VPS13B: variants seen among roughly 807,000 people sequenced by gnomAD.
The protein encoded by VPS13B is intermembrane lipid transfer protein VPS13B.
In VPS13B, 285 loss-of-function variants were observed where a neutral mutation model predicts 426.4. The ratio of observed to expected loss-of-function variants is 0.67; its 90% CI spans 0.61 to 0.74. VPS13B has a LOEUF of 0.74. VPS13B is among the 30% of genes least tolerant of loss of function. VPS13B has a pLI of 0.00. For missense variants in VPS13B, 4,537 were observed against 4,782.6 expected, an observed-to-expected ratio of 0.95 and a Z score of 1.51; for synonymous variants, 1,676 against 1,676.4, an observed-to-expected ratio of 1.00 and a Z score of 0.01.
intron 17 of VPS13B, among the ~76,000 whole-genome samples, chr8:99,226,328 A>C (rs1021405703): frequency 2.0e-5 from 3 of 152,136 alleles, no homozygotes; most frequent in African/African-American, 7.2e-5. Flanking sequence ...TGAAGCTTCA[A>C]ATCCTTCAGA....
chr8:99,459,250 T>C lies in VPS13B; in HGVS notation c.3446-8164T>C, dbSNP rs563108800. Among the ~76,000 whole-genome samples the C allele has an allele frequency of 4.6e-5, 7 of 152,334 alleles. 1 individual carries two copies. Among genetic ancestry groups the C allele is most frequent in the African/African-American group, 1.7e-4 (7 of 41,598 alleles). On this transcript the variant is annotated intron_variant, in intron 23 of 61. Coordinates refer to ENST00000357162, the MANE Select transcript of VPS13B (RefSeq NM_152564.5). ...ATGCCAGTTACGTTGAGTTGGTTGA[T>C]AATCCTGTTCATTTCTTCTATCACC...
chr8:99,700,605 G>T (rs1004183205), intron 36 of VPS13B, among the ~76,000 whole-genome samples: 1 of 152,190 alleles, frequency 6.6e-6, no homozygotes, highest in African/African-American at 2.4e-5. Flanking sequence ...GCAAAGTGGG[G>T]TACAGACTCT....
At chr8:99,712,209 A>G (rs1268483846) in intron 36 of VPS13B, among the ~76,000 whole-genome samples, 1 of 152,210 alleles carries the variant, frequency 6.6e-6, no homozygotes, top group African/African-American at 2.4e-5. Context: ...TGTTGTCCTG[A>G]GGCATGGAAG....
chr8:99,533,757 C>T (rs982049557), intron 30 of VPS13B, among the ~76,000 whole-genome samples: 5 of 152,022 alleles, frequency 3.3e-5, no homozygotes, highest in Admixed American at 1.3e-4. Flanking sequence ...TTTCTTTATT[C>T]CTGATGAATG....
At chr8:99,115,626 A>T in intron 6 of VPS13B, 74 bp from the exon 7 acceptor site, 1 of 1,467,882 alleles carries the variant, frequency 6.8e-7, no homozygotes, top group Non-Finnish European at 9.4e-7. Flanking sequence ...TAAAGACTTT[A>T]AAACATTTCT....
Position 99,206,368 on chromosome 8 carries a change from A to G in VPS13B, c.2515+13311A>G, listed in dbSNP as rs190307096. ...AGTAACTGTTAAAGTATTTTATGCA[A>G]CATTTCATGTGGGATACCTTAATGG... is the stretch of plus-strand genomic sequence containing the variant. On this transcript the variant is annotated intron_variant, in intron 17 of 61. Transcript: ENST00000357162. 2.7e-3 allele frequency among the ~76,000 whole-genome samples: 407 copies of G among 152,332 alleles called. 10 individuals carry two copies. The highest frequency in any genetic ancestry group is 0.021 in the Admixed American group (328 of 15,296).
rs180796719 is a variant in VPS13B, at chr8:99,458,651, G to T, written c.3446-8763G>T. Among the ~76,000 whole-genome samples, 923 of 152,264 alleles carry T rather than the reference G, an allele frequency of 6.1e-3. 13 individuals are homozygous for T. The highest frequency in any genetic ancestry group is 0.021 in the African/African-American group (878 of 41,542). ...TGGTATCTCATTGTGGTTTTGATTT[G>T]CACTTCTCTGATGGCCAGTGATGAT... On this transcript the variant is annotated intron_variant, in intron 23 of 61. Coordinates refer to ENST00000357162, the MANE Select transcript of VPS13B (RefSeq NM_152564.5).
At chr8:99,642,526 CTAA>C in intron 34 of VPS13B, 28 bp downstream of exon 34, 1 of 1,552,450 alleles carries the variant, frequency 6.4e-7, no homozygotes, top group South Asian at 1.1e-5. Context: ...TACTGGAGTG[CTAA>C]TAATTACTAT....
At chr8:99,472,829 T>C (rs898171073) in intron 24 of VPS13B, among the ~76,000 whole-genome samples, 2 of 151,950 alleles carry the variant, frequency 1.3e-5, no homozygotes, top group African/African-American at 4.8e-5. Context: ...ACTACTAATA[T>C]CATGAATAAA....
intron 2 of VPS13B, among the ~76,000 whole-genome samples, chr8:99,028,104 G>A (rs530741873): frequency 6.6e-6 from 1 of 152,174 alleles, no homozygotes; most frequent in Non-Finnish European, 1.5e-5. Context: ...AGTCTCCCAT[G>A]TCTACTTCTC....
chr8:99,570,235 T>G (rs1175610895), intron 31 of VPS13B, among the ~76,000 whole-genome samples: 1 of 152,152 alleles, frequency 6.6e-6, no homozygotes, highest in East Asian at 1.9e-4. Context: ...ATTCTTATAT[T>G]TCATCATTTC....
rs936542887 is a variant in VPS13B, at chr8:99,085,605, T to C, written c.292-10707T>C. Among the ~76,000 whole-genome samples, 10 of 152,358 alleles carry C rather than the reference T, an allele frequency of 6.6e-5. No individual in the cohort carries two copies. In the East Asian group the frequency reaches 1.7e-3, roughly 26 times the overall value. On this transcript the variant is annotated intron_variant, in intron 3 of 61. Coordinates refer to ENST00000357162, the MANE Select transcript of VPS13B (RefSeq NM_152564.5). ...GTGTAGTACTGGTTTTTCCTTTCCA[T>C]GTTTAGTGCTTCCTTCAGGAGCTCT...
At chr8:99,271,195 AACT>A (rs10538522) in intron 17 of VPS13B, among the ~76,000 whole-genome samples, 59,801 of 145,064 alleles carry the variant, frequency 0.41, 12,399 homozygotes, top group South Asian at 0.56. Context: ...TGCTACCACT[AACT>A]ACTACTACTA....
intron 34 of VPS13B, 113 bp downstream of exon 34, chr8:99,642,611 T>TA: frequency 1.1e-6 from 1 of 931,136 alleles, no homozygotes; most frequent in Non-Finnish European, 1.6e-6. Context: ...GTCTTTTCTC[T>TA]ACAGAATATG....
intron 33 of VPS13B, among the ~76,000 whole-genome samples, chr8:99,617,904 A>G (rs1828169514): frequency 6.6e-6 from 1 of 152,038 alleles, no homozygotes; most frequent in Non-Finnish European, 1.5e-5. Context: ...TCCTCTTTGT[A>G]TTGGTTATCA....
chr8:99,255,885 T>G (rs189854799), intron 17 of VPS13B, among the ~76,000 whole-genome samples: 58 of 152,306 alleles, frequency 3.8e-4, no homozygotes, highest in African/African-American at 1.1e-3. Context: ...GTTAAAAGTC[T>G]AGGCCTTCTC....
chr8:99,095,656 T>C lies in VPS13B; in HGVS notation c.292-656T>C, dbSNP rs148599879. Among the ~76,000 whole-genome samples, 6 of 152,316 alleles carry C rather than the reference T, an allele frequency of 3.9e-5. No individual in the cohort carries two copies. In the East Asian group the frequency reaches 1.2e-3, roughly 29 times the overall value. On this transcript the variant is annotated intron_variant, in intron 3 of 61. Coordinates refer to ENST00000357162, the MANE Select transcript of VPS13B (RefSeq NM_152564.5). ...CTTGTAAATCCAGCAATTTGGCATG[T>C]AAGAGTATTATATACATGTTGAATC...
intron 8 of VPS13B, among the ~76,000 whole-genome samples, chr8:99,127,687 G>A (rs1174612235): frequency 2.6e-5 from 4 of 151,934 alleles, no homozygotes; most frequent in Non-Finnish European, 5.9e-5. Context: ...AGAACTCTGA[G>A]GAGTTTTGTT....
intron 19 of VPS13B, among the ~76,000 whole-genome samples, chr8:99,327,340 G>A (rs1810329699): frequency 6.6e-6 from 1 of 152,124 alleles, no homozygotes; most frequent in Non-Finnish European, 1.5e-5. Context: ...TTTCAAAATG[G>A]AATTTACATT....
Sources: allele counts gnomAD v4.1 joint callset (sites outside exome capture counted in the v4.1 genomes callset), GRCh38; gene constraint gnomAD v4.1.1; transcripts MANE v1.5; gene names NCBI Gene and HGNC (gene_info 2026-07-23, HGNC 2026-07-21).